The following KCNQ5 variants were observed in gnomAD, a reference collection of about 807,000 sequenced individuals.
KCNQ5 encodes the protein potassium voltage-gated channel subfamily Q member 5.
In KCNQ5, 30 loss-of-function variants were observed where a neutral mutation model predicts 98.2. The observed-to-expected ratio is 0.31, with a 90% confidence interval of 0.23 to 0.41. KCNQ5 has a LOEUF of 0.41. Ranked by LOEUF, KCNQ5 falls within the 10% of genes least tolerant of loss-of-function variation. The pLI is 1.00. For missense variants in KCNQ5, 835 were observed against 1,182.5 expected (o/e 0.71, Z 4.31); for synonymous variants, 458 against 449.4 (o/e 1.02, Z -0.24).
At chr6:72,702,456 CAG>C (rs1768861888) in intron 1 of KCNQ5, among the ~76,000 whole-genome samples, 1 of 151,990 alleles carries the variant, frequency 6.6e-6, no homozygotes, top group East Asian at 1.9e-4. Context: ...GTTTAGGAAA[CAG>C]GTAATTTTTT....
At position 73,161,128 on chromosome 6, in the gene KCNQ5, T is replaced by C. The variant is rs185506665; in HGVS notation, c.1469-8618T>C. Among the ~76,000 whole-genome samples, 187 of 152,320 alleles carry C rather than the reference T, an allele frequency of 1.2e-3. 1 individual carries two copies. Among genetic ancestry groups the C allele is most frequent in the Admixed American group, 2.3e-3 (35 of 15,300 alleles). ...TACACAATGAAATATTATTCATCCA[T>C]TAAAAAGAATGAAATCCTGTCATTT... On this transcript the variant is annotated intron_variant, in intron 10 of 13. Transcript: ENST00000370398.
chr6:73,082,468 T>C (rs1043609907), intron 5 of KCNQ5, among the ~76,000 whole-genome samples: 2 of 152,178 alleles, frequency 1.3e-5, no homozygotes, highest in Non-Finnish European at 2.9e-5. Context: ...AAAAATGTAA[T>C]CTATCCAGTG....
At chr6:72,912,037 A>G (rs1244860095) in intron 1 of KCNQ5, among the ~76,000 whole-genome samples, 5 of 152,104 alleles carry the variant, frequency 3.3e-5, no homozygotes, top group Admixed American at 2.6e-4. Context: ...CGTTCTAGTT[A>G]CTAACAACCA....
At position 73,194,953 on chromosome 6, in the gene KCNQ5, G is replaced by C. The variant is rs370589256; in HGVS notation, c.2338G>C (p.Val780Leu). 1 of 1,613,992 alleles carries C rather than the reference G, an allele frequency of 6.2e-7. No individual in the cohort carries two copies. Among genetic ancestry groups the C allele is most frequent in the East Asian group, 2.2e-5 (1 of 44,896 alleles). ...PAGLQESISD[V>L]TTCLVASKEN... is the part of the protein sequence containing the mutation. Reference sequence around the variant, plus strand: ...AGGCTTACAGGAAAGCATTTCTGACGTCACCACCTGCCTTGTTGCCTCCAA... The same window carrying C: ...AGGCTTACAGGAAAGCATTTCTGACCTCACCACCTGCCTTGTTGCCTCCAA... The change falls in exon 14 of 14, where the codon GTC becomes CTC. Residue 780 changes from valine (V) to leucine (L), a missense_variant. Physicochemically the swap from Val to Leu is conservative, Grantham distance 32 (BLOSUM62 1). This residue lies in a region of KCNQ5 where 416 missense variants were observed against 446.9 expected (regional missense o/e 0.93). Coordinates refer to ENST00000370398, the MANE Select transcript of KCNQ5 (RefSeq NM_019842.4).
chr6:72,659,654 G>C (rs1197071039), intron 1 of KCNQ5, among the ~76,000 whole-genome samples: 1 of 152,156 alleles, frequency 6.6e-6, no homozygotes, highest in African/African-American at 2.4e-5. Flanking sequence ...AAAGGGATTA[G>C]GGTGCTCCTT....
At chr6:73,117,446 C>T (rs919190362) in intron 7 of KCNQ5, among the ~76,000 whole-genome samples, 13 of 152,272 alleles carry the variant, frequency 8.5e-5, no homozygotes, top group Admixed American at 7.8e-4. Context: ...CTGTTGGGAT[C>T]AATTTGAGAG....
chr6:72,661,694 G>C (rs2154472925), intron 1 of KCNQ5, among the ~76,000 whole-genome samples: 1 of 152,080 alleles, frequency 6.6e-6, no homozygotes, highest in East Asian at 1.9e-4. Flanking sequence ...CATGAAGATT[G>C]GTATTTAAAG....
chr6:72,988,023 GCTTGGATGAA>G (rs975301590), intron 1 of KCNQ5, among the ~76,000 whole-genome samples: 13 of 152,166 alleles, frequency 8.5e-5, no homozygotes, highest in African/African-American at 3.1e-4. Flanking sequence ...ATCTTGATGG[GCTTGGATGAA>G]CTGGGGAGAG....
intron 3 of KCNQ5, among the ~76,000 whole-genome samples, chr6:73,062,227 G>C (rs1772813544): frequency 6.6e-6 from 1 of 152,086 alleles, no homozygotes; most frequent in Admixed American, 6.5e-5. Context: ...AGGCTTCCCT[G>C]GCCTCTTAAC....
intron 1 of KCNQ5, among the ~76,000 whole-genome samples, chr6:72,792,615 C>A (rs2154478296): frequency 6.6e-6 from 1 of 152,206 alleles, no homozygotes; most frequent in Non-Finnish European, 1.5e-5. Context: ...TACAATTCAA[C>A]CTGCCTCTGG....
chr6:72,818,146 T>G (rs79344889), intron 1 of KCNQ5, among the ~76,000 whole-genome samples: 2,833 of 152,194 alleles, frequency 0.019, 97 homozygotes, highest in African/African-American at 0.064. Context: ...TCATAAGAAT[T>G]TGAAAAAGTT....
At chr6:73,174,148 T>C (rs1210341063) in intron 11 of KCNQ5, among the ~76,000 whole-genome samples, 2 of 152,122 alleles carry the variant, frequency 1.3e-5, no homozygotes, top group Non-Finnish European at 2.9e-5. Flanking sequence ...CAAATTGCTA[T>C]TAAAAGTTTC....
At chr6:73,067,892 AT>A (rs1562159105) in intron 3 of KCNQ5, among the ~76,000 whole-genome samples, 6 of 544 alleles carry the variant, frequency 0.011, no homozygotes, top group African/African-American at 0.012. Context: ...ATATATATAT[AT>A]ATATATATAT....
chr6:73,027,784 T>G (rs369489114), intron 2 of KCNQ5, among the ~76,000 whole-genome samples: 2 of 152,216 alleles, frequency 1.3e-5, no homozygotes, highest in African/African-American at 4.8e-5. Flanking sequence ...TCACAAATTC[T>G]GAATTAATGG....
intron 1 of KCNQ5, among the ~76,000 whole-genome samples, chr6:72,927,515 A>G (rs1765481315): frequency 6.6e-6 from 1 of 152,096 alleles, no homozygotes; most frequent in Admixed American, 6.6e-5. Flanking sequence ...AATGAGACAA[A>G]CACAATAAGA....
chr6:72,826,707 C>T (rs1165133169), intron 1 of KCNQ5, among the ~76,000 whole-genome samples: 1 of 152,052 alleles, frequency 6.6e-6, no homozygotes, highest in Non-Finnish European at 1.5e-5. Flanking sequence ...TAATATTTAT[C>T]ATTTCCTTGT....
chr6:72,813,411 A>G (rs1318491587), intron 1 of KCNQ5, among the ~76,000 whole-genome samples: 1 of 152,190 alleles, frequency 6.6e-6, no homozygotes, highest in Non-Finnish European at 1.5e-5. Flanking sequence ...GCTTCGTAAG[A>G]GGAATTTGAG....
chr6:72,829,349 C>T (rs1776135039), intron 1 of KCNQ5, among the ~76,000 whole-genome samples: 2 of 151,968 alleles, frequency 1.3e-5, no homozygotes, highest in African/African-American at 4.8e-5. Context: ...TATTTTTGGC[C>T]CAAGGCATTT....
intron 3 of KCNQ5, among the ~76,000 whole-genome samples, chr6:73,070,344 A>G (rs920448288): frequency 3.9e-5 from 6 of 152,210 alleles, no homozygotes; most frequent in African/African-American, 1.2e-4. Context: ...TGGTATTGGG[A>G]AAATTGACTT....
Sources: gnomAD v4.1 joint callset for allele counts (sites outside exome capture counted in the v4.1 genomes callset) on GRCh38, gnomAD v4.1.1 for gene constraint, gnomAD v4.1.1 regional missense constraint, MANE v1.5 for transcripts, NCBI Gene and HGNC (gene_info 2026-07-23, HGNC 2026-07-21) for gene names.